RFC4: variants seen among roughly 807,000 people sequenced by gnomAD.
RFC4 encodes the protein A1 37 kDa subunit.
In RFC4, 38 loss-of-function variants were observed where a neutral mutation model predicts 47.6. The ratio of observed to expected loss-of-function variants is 0.80; its 90% CI spans 0.62 to 1.05. RFC4 has a LOEUF of 1.05. Ranked by LOEUF, RFC4 falls within the 50% of genes least tolerant of loss-of-function variation. The pLI is 0.00. For missense variants in RFC4, 489 were observed against 434.0 expected, an observed-to-expected ratio of 1.13 and a Z score of -1.13; for synonymous variants, 164 against 150.0, an observed-to-expected ratio of 1.09 and a Z score of -0.68.
At chr3:186,803,658 C>T (rs1209619788) in intron 2 of RFC4, among the ~76,000 whole-genome samples, 1 of 150,616 alleles carries the variant, frequency 6.6e-6, no homozygotes, top group Non-Finnish European at 1.5e-5. Flanking sequence ...TGCCCGCCAA[C>T]ATGCCTGGCT....
chr3:186,799,439 A>G (rs1203466669), intron 3 of RFC4, among the ~76,000 whole-genome samples: 1 of 152,242 alleles, frequency 6.6e-6, no homozygotes, highest in African/African-American at 2.4e-5. Context: ...TACGTGGCAT[A>G]AAGTCAAGAA....
At chr3:186,790,463 T>A (rs1272291984) in intron 8 of RFC4, 57 bp from the exon 9 acceptor site, 31 of 1,219,326 alleles carry the variant, frequency 2.5e-5, no homozygotes, top group South Asian at 2.4e-4. Flanking sequence ...AGACATACAC[T>A]CTGCCAACTG....
chr3:186,804,011 G>A (rs1388252255), intron 2 of RFC4, among the ~76,000 whole-genome samples: 4 of 151,864 alleles, frequency 2.6e-5, no homozygotes, highest in Non-Finnish European at 4.4e-5. Context: ...GTGAAACCCC[G>A]TCTCTACTAA....
intron 8 of RFC4, chr3:186,791,432 T>G (rs1424992599): frequency 6.0e-5 from 21 of 351,558 alleles, no homozygotes; most frequent in Non-Finnish European, 1.0e-4. Context: ...ATTGCGTCAC[T>G]GCACTCCAGC....
At chr3:186,802,293 T>C (rs964673530) in intron 2 of RFC4, among the ~76,000 whole-genome samples, 3 of 151,944 alleles carry the variant, frequency 2.0e-5, no homozygotes, top group Admixed American at 2.0e-4. Flanking sequence ...ACCACTGCAC[T>C]TCAGCCTGGG....
intron 2 of RFC4, among the ~76,000 whole-genome samples, chr3:186,804,264 T>G (rs1412861784): frequency 1.3e-5 from 2 of 152,172 alleles, no homozygotes; most frequent in Non-Finnish European, 1.5e-5. Context: ...TGGATTTAAG[T>G]AGAACTCCTG....
chr3:186,789,967 C>T lies in RFC4; in HGVS notation c.*2G>A, dbSNP rs774655350. On this transcript the variant is annotated 3_prime_UTR_variant, in exon 11 of 11. Transcript: ENST00000296273. ...AAAACCCCCCATCCAGATATATTCA[C>T]GTTAACAATTCTGAGATAACTGCTG... 1.7e-5 allele frequency: 27 copies of T among 1,581,046 alleles called. No individual in the cohort carries two copies. In the East Asian group the frequency reaches 2.7e-4, roughly 16 times the overall value.
chr3:186,792,711 T>A (rs1722168001), intron 6 of RFC4, 93 bp downstream of exon 6: 1 of 1,554,874 alleles, frequency 6.4e-7, no homozygotes, highest in African/African-American at 1.4e-5. Flanking sequence ...GGAGGAAAAA[T>A]TAATGTAGCC....
At chr3:186,799,732 A>G (rs1409739956) in intron 3 of RFC4, among the ~76,000 whole-genome samples, 1 of 152,062 alleles carries the variant, frequency 6.6e-6, no homozygotes, top group Non-Finnish European at 1.5e-5. Flanking sequence ...AAAAAACAAA[A>G]AAACAAAAGA....
intron 8 of RFC4, chr3:186,791,355 G>T: frequency 3.8e-6 from 1 of 263,784 alleles, no homozygotes; most frequent in Non-Finnish European, 7.6e-6. Context: ...TGGGCATGGT[G>T]GCAGGTGCCT....
rs1384294984 is a variant in RFC4 at position 186,801,303 on chromosome 3, A to G, written c.132-108T>C. ...ATACCAATGACCATTCTTAAACATC[A>G]GCAATGAAATGAGAAACTTTTTCAT... On this transcript the variant is annotated intron_variant, in intron 2 of 10. Coordinates refer to ENST00000296273, the MANE Select transcript of RFC4 (RefSeq NM_002916.5). The G allele has an allele frequency of 4.9e-6, 4 of 809,378 alleles. No homozygotes were observed. The East Asian group carries it at 9.9e-5, about 20-fold the overall frequency. The allele number at this position is 809,378 out of a possible 1,614,324, so 50.1% of individuals were successfully genotyped here.
At chr3:186,795,749 C>T (rs1722232410) in intron 4 of RFC4, among the ~76,000 whole-genome samples, 1 of 152,052 alleles carries the variant, frequency 6.6e-6, no homozygotes, top group Admixed American at 6.6e-5. Context: ...GCCGAGATCG[C>T]ACCACTGCAC....
At position 186,793,059 on chromosome 3, in the gene RFC4, G is replaced by A. The variant is rs894337715; in HGVS notation, c.411-112C>T. On this transcript the variant is annotated intron_variant, in intron 5 of 10. Coordinates refer to ENST00000296273, the MANE Select transcript of RFC4 (RefSeq NM_002916.5). This position sits in a 1 kb window ranked among gnomAD's most constrained non-coding sequence, Gnocchi z 4.2. ...TCACCCATTTAAAATGTACAATTCA[G>A]TGTTTTTCTGTATGTTCACAAAGTT... The A allele has an allele frequency of 9.2e-6, 8 of 873,706 alleles. No homozygotes were observed. Among genetic ancestry groups the A allele is most frequent in the African/African-American group, 1.7e-5 (1 of 58,108 alleles). The allele number at this position is 873,706 out of a possible 1,614,324, so 54.1% of individuals were successfully genotyped here.
chr3:186,798,252 T>C (rs1722281681), intron 3 of RFC4, among the ~76,000 whole-genome samples: 1 of 152,194 alleles, frequency 6.6e-6, no homozygotes, highest in Admixed American at 6.5e-5. Context: ...ATTAAATCAC[T>C]AGCTACCTTC....
In RFC4 at chr3:186,793,143, T is replaced by C. The variant is rs1448357547; in HGVS notation, c.411-196A>G. ...TTTTTATCACTCCTAAAAGAAACTT[T>C]GTACCTATTAGGAGTCACTCTTCTT... On this transcript the variant is annotated intron_variant, in intron 5 of 10. Coordinates refer to ENST00000296273, the MANE Select transcript of RFC4 (RefSeq NM_002916.5). This position sits in a 1 kb window ranked among gnomAD's most constrained non-coding sequence, Gnocchi z 4.2. 4.6e-5 allele frequency among the ~76,000 whole-genome samples: 7 copies of C among 152,224 alleles called. No homozygotes were observed. The highest frequency in any genetic ancestry group is 4.6e-4 in the Admixed American group (7 of 15,280).
rs1408661397 is a variant in RFC4 at position 186,789,911 on chromosome 3, AT to A, written c.*57del. On this transcript the variant is annotated 3_prime_UTR_variant, in exon 11 of 11. Coordinates refer to ENST00000296273, the MANE Select transcript of RFC4 (RefSeq NM_002916.5). ...ATTCACTTTAAAGGTGCTTTTGGTC[AT>A]TTTATTTTTATTACAACTTCATTAT... 1 of 1,125,664 alleles carries A rather than the reference AT, an allele frequency of 8.9e-7. No homozygotes were observed. 69.7% of individuals were successfully genotyped at this position (1,125,664 alleles called of 1,614,324 possible).
In RFC4 at chr3:186,792,922, T is replaced by C. The variant is rs763063406; in HGVS notation, c.436A>G (p.Ile146Val). The change falls in exon 6 of 11, where the codon ATT becomes GTT. Residue 146 changes from isoleucine (I) to valine (V), a missense_variant. By Grantham distance (29) the Ile-to-Val change is conservative. Transcript: ENST00000296273. The stretch of plus-strand genomic sequence containing the variant: ...GAATCTGCTTCATCCAGAATCACAA[T>C]CTTAAAAGGCGGACACGGCTTCCCA... ...SDGKPCPPFK[I>V]VILDEADSMT... The C allele has an allele frequency of 1.2e-6, 2 of 1,613,660 alleles. No homozygotes were observed. The highest frequency in any genetic ancestry group is 8.5e-7 in the Non-Finnish European group (1 of 1,179,890).
At chr3:186,790,456 CAT>C (rs761080587) in intron 8 of RFC4, 50 bp from the exon 9 acceptor site, 63 of 1,304,714 alleles carry the variant, frequency 4.8e-5, no homozygotes, top group Admixed American at 1.9e-4. Flanking sequence ...TGAGACTAGA[CAT>C]ACACTCTGCC....
In RFC4 at chr3:186,793,383, T is replaced by A. The variant is rs2108468893; in HGVS notation, c.411-436A>T. Reference sequence around the variant, plus strand: ...TACTATGGCAAATAGATACACCACATTTATTCATCCATTAATCGGTTGGAC... The same window carrying A: ...TACTATGGCAAATAGATACACCACAATTATTCATCCATTAATCGGTTGGAC... On this transcript the variant is annotated intron_variant, in intron 5 of 10. Coordinates refer to ENST00000296273, the MANE Select transcript of RFC4 (RefSeq NM_002916.5). The surrounding 1 kb of genome is among the most constrained non-coding windows in gnomAD (Gnocchi z 4.2). Among the ~76,000 whole-genome samples the A allele has an allele frequency of 6.6e-6, 1 of 152,350 alleles. No homozygotes were observed. The highest frequency in any genetic ancestry group is 1.9e-4 in the East Asian group (1 of 5,190).
Sources: gnomAD v4.1 joint callset for allele counts (sites outside exome capture counted in the v4.1 genomes callset) on GRCh38, gnomAD v4.1.1 for gene constraint, Gnocchi (gnomAD v3.1) non-coding constraint, MANE v1.5 for transcripts, NCBI Gene and HGNC (gene_info 2026-07-23, HGNC 2026-07-21) for gene names.